DTX3L: variants seen among roughly 807,000 people sequenced by gnomAD.
DTX3L encodes the protein deltex E3 ubiquitin ligase 3L.
DTX3L carries 34 observed loss-of-function variants against 60.9 expected under a neutral mutation model. The ratio of observed to expected loss-of-function variants is 0.56; its 90% confidence interval spans 0.42 to 0.74. The LOEUF (loss-of-function observed/expected upper bound fraction) is 0.74, where lower values mean the gene tolerates loss of function less well. DTX3L is among the 30% of genes least tolerant of loss of function. The probability of loss-of-function intolerance (pLI) is 0.00; values close to 1 mark genes in which losing one functional copy is unlikely to be tolerated. For missense variants in DTX3L, 810 were observed against 874.0 expected, an observed-to-expected ratio of 0.93 and a Z score of 0.92; for synonymous variants, 290 against 316.6, an observed-to-expected ratio of 0.92 and a Z score of 0.89.
intron 4 of DTX3L, among the ~76,000 whole-genome samples, chr3:122,571,471 A>G (rs771743916): frequency 3.9e-5 from 6 of 152,246 alleles, no homozygotes; most frequent in Non-Finnish European, 8.8e-5. Flanking sequence ...CCAGCTTGAA[A>G]GGCAGATGCT....
chr3:122,571,891 G>A lies in DTX3L; in HGVS notation c.*144G>A. On this transcript the variant is annotated 3_prime_UTR_variant, in exon 5 of 5. Coordinates refer to ENST00000296161, the MANE Select transcript of DTX3L (RefSeq NM_138287.3). ...ATGGTTTGTATAAGAATAACAATCT[G>A]CTAGTCTGTCATTTCTGGAGTGATA... The A allele has an allele frequency of 1.6e-6, 1 of 643,260 alleles. No homozygotes were observed. Among genetic ancestry groups the A allele is most frequent in the East Asian group, 2.9e-5 (1 of 34,228 alleles). 39.8% of individuals were successfully genotyped at this position (643,260 alleles called of 1,614,324 possible).
intron 4 of DTX3L, 87 bp downstream of exon 4, chr3:122,570,759 C>T: frequency 7.3e-7 from 1 of 1,370,016 alleles, no homozygotes; most frequent in South Asian, 1.2e-5. Context: ...TATAAGTAGA[C>T]TCTATAGCAG....
chr3:122,564,601 A>T lies in DTX3L; in HGVS notation c.175A>T (p.Ser59Cys). 6.3e-7 allele frequency: 1 copy of T among 1,597,274 alleles called. No individual in the cohort carries two copies. Among genetic ancestry groups the T allele is most frequent in the Non-Finnish European group, 8.5e-7 (1 of 1,172,632 alleles). ...CCCGGGCACCTTCCGGGTGGAGTTC[A>T]GTGAAAGGGCAGGTGAGCTTCGGGC... ...EAPGTFRVEF[S>C]ERAAKERVLK... is the part of the protein sequence containing the mutation. Residue 59 changes from serine (S) to cysteine (C), a missense_variant, in exon 1 of 5, where the codon AGT (serine) becomes TGT (cysteine). By Grantham distance (112) the Ser-to-Cys change is moderately radical. Coordinates refer to ENST00000296161, the MANE Select transcript of DTX3L (RefSeq NM_138287.3).
At position 122,568,746 on chromosome 3, in the gene DTX3L, C is replaced by T; in HGVS notation, c.657C>T (p.Cys219=). Reference sequence around the variant, plus strand: ...TCAGTCAGCAGGAGAGGGACAGCTGCATTTCTCCTTCTGAACCAGAAACCA... The same window carrying T: ...TCAGTCAGCAGGAGAGGGACAGCTGTATTTCTCCTTCTGAACCAGAAACCA... ...KPLSQQERDS[C]ISPSEPETKA... Residue 219 remains cysteine (C), a synonymous_variant, in exon 3 of 5, where the codon TGC becomes TGT. Transcript: ENST00000296161. 1 of 1,614,172 alleles carries T rather than the reference C, an allele frequency of 6.2e-7. No individual in the cohort carries two copies. The highest frequency in any genetic ancestry group is 8.5e-7 in the Non-Finnish European group (1 of 1,180,038).
chr3:122,564,537 C>T lies in DTX3L; in HGVS notation c.111C>T (p.Gly37=). Residue 37 remains glycine, a synonymous_variant, in exon 1 of 5, where the codon GGC becomes GGT. Transcript: ENST00000296161. ...ESYFQSSKSS[G]GGECTVSTQE... ...ACTTCCAGAGCTCTAAGTCCTCGGGCGGCGGGGAGTGCACGGTCAGCACCC... is the reference window on the plus strand; with the variant it reads ...ACTTCCAGAGCTCTAAGTCCTCGGGTGGCGGGGAGTGCACGGTCAGCACCC... The T allele has an allele frequency of 6.2e-7, 1 of 1,610,460 alleles. No individual in the cohort carries two copies. The highest frequency in any genetic ancestry group is 8.5e-7 in the Non-Finnish European group (1 of 1,178,058).
Position 122,564,448 on chromosome 3 carries a change from C to T in DTX3L, c.22C>T (p.Pro8Ser), listed in dbSNP as rs1482657474. MASHLRP[P>S]SPLLVRVYKS... ...AGCCATGGCCTCCCACCTGCGCCCG[C>T]CGTCCCCGCTCCTCGTGCGGGTGTA... Residue 8 changes from proline to serine, a missense_variant, in exon 1 of 5, where the codon CCG (proline) becomes TCG (serine). Pro to Ser is a moderately conservative substitution (Grantham distance 74). Coordinates refer to ENST00000296161, the MANE Select transcript of DTX3L (RefSeq NM_138287.3). The T allele has an allele frequency of 1.2e-6, 2 of 1,611,162 alleles. No individual in the cohort carries two copies. The highest frequency in any genetic ancestry group is 1.3e-5 in the African/African-American group (1 of 74,708).
rs1256045116 is a variant in DTX3L, at chr3:122,568,611, G to T, written c.522G>T (p.Val174=). ...AAGGTCACGATGGAATTGAGAAGGT[G>T]TGTGGTGACTTCCAAGACATTGAAA... ...KMEGHDGIEK[V]CGDFQDIERI... Residue 174 remains valine, a synonymous_variant, in exon 3 of 5, where the codon GTG becomes GTT. Coordinates refer to ENST00000296161, the MANE Select transcript of DTX3L (RefSeq NM_138287.3). The T allele has an allele frequency of 3.7e-6, 6 of 1,614,082 alleles. No homozygotes were observed. Among genetic ancestry groups the T allele is most frequent in the Admixed American group, 1.7e-5 (1 of 60,002 alleles).
chr3:122,568,563 G>A lies in DTX3L; in HGVS notation c.474G>A (p.Leu158=). 1 of 1,614,162 alleles carries A rather than the reference G, an allele frequency of 6.2e-7. No individual in the cohort carries two copies. The highest frequency in any genetic ancestry group is 8.5e-7 in the Non-Finnish European group (1 of 1,180,024). ...AGCAGAGGGCATACATAACCACACT[G>A]TGCCCTAGTATCAGAAAAATGGAAG... is the stretch of plus-strand genomic sequence containing the variant. ...SKEQRAYITT[L]CPSIRKMEGH... is the part of the protein sequence containing the mutation. The change falls in exon 3 of 5, where the codon CTG becomes CTA. Residue 158 remains leucine (L), a synonymous_variant. Coordinates refer to ENST00000296161, the MANE Select transcript of DTX3L (RefSeq NM_138287.3).
chr3:122,567,865 A>G (rs1380116249), intron 2 of DTX3L, among the ~76,000 whole-genome samples: 1 of 152,208 alleles, frequency 6.6e-6, no homozygotes, highest in Non-Finnish European at 1.5e-5. Flanking sequence ...AGAAATGCTC[A>G]TGCCCAGGCT....
At chr3:122,568,038 G>C (rs950624500) in intron 2 of DTX3L, among the ~76,000 whole-genome samples, 1 of 152,156 alleles carries the variant, frequency 6.6e-6, no homozygotes, top group Non-Finnish European at 1.5e-5. Context: ...GACCAGGCAC[G>C]GTGGCACATG....
chr3:122,566,088 G>A lies in DTX3L; in HGVS notation c.399+18G>A, dbSNP rs1158920920. 2 of 1,610,256 alleles carry A rather than the reference G, an allele frequency of 1.2e-6. No homozygotes were observed. Among genetic ancestry groups the A allele is most frequent in the South Asian group, 1.1e-5 (1 of 90,934 alleles). On this transcript the variant is annotated intron_variant, in intron 2 of 4. Transcript: ENST00000296161. ...TCCAAAAGGTGAGTATTGAAAGAAGGAGCTGGCTGTGCCTGCGCCTCCTCT... is the reference window on the plus strand; with the variant it reads ...TCCAAAAGGTGAGTATTGAAAGAAGAAGCTGGCTGTGCCTGCGCCTCCTCT...
intron 1 of DTX3L, among the ~76,000 whole-genome samples, chr3:122,565,274 G>A (rs1559898681): frequency 6.6e-6 from 1 of 152,020 alleles, no homozygotes; most frequent in Non-Finnish European, 1.5e-5. Flanking sequence ...GCACTTTGGA[G>A]GCCGAGGTTG....
chr3:122,565,795 G>T, intron 1 of DTX3L, 64 bp from the exon 2 acceptor site: 5 of 1,492,136 alleles, frequency 3.4e-6, no homozygotes, highest in Non-Finnish European at 4.7e-6. Context: ...GGAATGAGAG[G>T]ATTACTTGAA....
chr3:122,566,529 A>ATTT (rs67205013), intron 2 of DTX3L, among the ~76,000 whole-genome samples: 1 of 146,154 alleles, frequency 6.8e-6, no homozygotes, highest in Non-Finnish European at 1.5e-5. Flanking sequence ...CACCCAGCCA[A>ATTT]TTTTTTTTTT....
At chr3:122,570,227 A>C in intron 3 of DTX3L, 1 of 743,784 alleles carries the variant, frequency 1.3e-6, no homozygotes, top group Non-Finnish European at 2.2e-6. Flanking sequence ...AAGACAGAGA[A>C]AGGGTGGGTG....
chr3:122,570,415 G>A (rs772793354), intron 3 of DTX3L, 40 bp from the exon 4 acceptor site: 87 of 1,596,308 alleles, frequency 5.5e-5, no homozygotes, highest in Non-Finnish European at 7.2e-5. Flanking sequence ...AAATTAGACA[G>A]GGCACTCTTT....
rs1019109219 is a variant in DTX3L at position 122,564,369 on chromosome 3, G to T, written c.-58G>T. The T allele has an allele frequency of 1.2e-5, 18 of 1,536,416 alleles. No homozygotes were observed. In the Admixed American group the frequency reaches 3.8e-4, roughly 33 times the overall value. On this transcript the variant is annotated 5_prime_UTR_variant, in exon 1 of 5. Coordinates refer to ENST00000296161, the MANE Select transcript of DTX3L (RefSeq NM_138287.3). ...TTGCGCCCAGTCCGCAGGGCGGGCC[G>T]CGCCTTTACCGCCCAGCTGCCTCCC...
At chr3:122,565,405 T>C (rs2080553019) in intron 1 of DTX3L, among the ~76,000 whole-genome samples, 1 of 149,336 alleles carries the variant, frequency 6.7e-6, no homozygotes, top group African/African-American at 2.5e-5. Context: ...CAAGCTACTC[T>C]GGAGGCTGAG....
intron 2 of DTX3L, 110 bp downstream of exon 2, chr3:122,566,180 C>T: frequency 1.1e-6 from 1 of 947,390 alleles, no homozygotes; most frequent in Non-Finnish European, 1.6e-6. Context: ...GGGAGCCAGG[C>T]ACTGTTTTAG....
Sources: gnomAD v4.1 joint callset for allele counts (sites outside exome capture counted in the v4.1 genomes callset) on GRCh38, gnomAD v4.1.1 for gene constraint, MANE v1.5 for transcripts, NCBI Gene and HGNC (gene_info 2026-07-23, HGNC 2026-07-21) for gene names.